Variants in TMPRSS9 observed in about 807,000 individuals in gnomAD.
The protein encoded by TMPRSS9 is transmembrane serine protease 9, also known as transmembrane protease serine 9.
In TMPRSS9, 113 loss-of-function variants were observed where a neutral mutation model predicts 111.4. That is an observed-to-expected ratio of 1.01 (90% confidence interval 0.87 to 1.19). TMPRSS9 has a LOEUF of 1.19. Ranked by LOEUF, TMPRSS9 falls within the 50% of genes most tolerant of loss-of-function variation. The pLI, the probability that TMPRSS9 is intolerant of heterozygous loss-of-function variation, is 0.00. For missense variants in TMPRSS9, 1,803 were observed against 1,513.1 expected, an observed-to-expected ratio of 1.19 and a Z score of -3.18; for synonymous variants, 805 against 659.1, an observed-to-expected ratio of 1.22 and a Z score of -3.39.
At chr19:2,423,970 C>T (rs1476544685) in intron 14 of TMPRSS9, 119 bp from the exon 16 acceptor site, 3 of 1,085,650 alleles carry the variant, frequency 2.8e-6, no homozygotes, top group Non-Finnish European at 1.2e-6. Context: ...GGATAGGTCC[C>T]CCATCACAAC....
rs1971480105 is a variant in TMPRSS9, at chr19:2,422,128, C to A, written c.2429C>A (p.Ala810Asp). The A allele has an allele frequency of 1.9e-6, 3 of 1,597,224 alleles. No homozygotes were observed. In the East Asian group the frequency reaches 6.7e-5, roughly 36 times the overall value. The change falls in exon 14 of 18, where the codon GCT becomes GAT. Residue 810 changes from alanine (A) to aspartate (D), a missense_variant. Transcript: ENST00000648592. ...ACACCCAGCAGACCCACCCCTGGGG[C>A]TGCCAGCAGGGTGACGGGCCAACCT...
At chr19:2,372,199 G>C (rs1202992349) in intron 1 of TMPRSS9, among the ~76,000 whole-genome samples, 1 of 152,120 alleles carries the variant, frequency 6.6e-6, no homozygotes, top group Middle Eastern at 3.4e-3. Context: ...GTTCAGATCT[G>C]AGATCCCACG....
upstream of TMPRSS9, among the ~76,000 whole-genome samples, chr19:2,386,422 G>A (rs895421375): frequency 6.6e-6 from 1 of 150,930 alleles, no homozygotes; most frequent in African/African-American, 2.4e-5. Context: ...GGAGAATGGC[G>A]TGAACCTGGG....
intron 1 of TMPRSS9, among the ~76,000 whole-genome samples, chr19:2,378,824 G>A (rs1293038547): frequency 3.3e-5 from 5 of 152,168 alleles, no homozygotes; most frequent in East Asian, 1.9e-4. Flanking sequence ...CAATCATGGC[G>A]GAAGGAGGAG....
intron 1 of TMPRSS9, among the ~76,000 whole-genome samples, chr19:2,374,408 A>G (rs1355229774): frequency 6.6e-6 from 1 of 151,450 alleles, no homozygotes. Context: ...CCCCGTCTCT[A>G]CTAAAAAATA....
intron 8 of TMPRSS9, among the ~76,000 whole-genome samples, chr19:2,409,309 AT>A (rs1161648929): frequency 1.3e-5 from 2 of 151,152 alleles, no homozygotes; most frequent in Non-Finnish European, 2.9e-5. Context: ...CGGCAACTTT[AT>A]TTTTGTATTT....
At chr19:2,389,242 T>G (rs989261231), upstream of TMPRSS9, among the ~76,000 whole-genome samples, 4 of 148,666 alleles carry the variant, frequency 2.7e-5, no homozygotes, top group Middle Eastern at 3.5e-3. Context: ...CCTGACTAAT[T>G]TTTTGTATTT....
chr19:2,418,364 T>TCCCTTCCCTTCCCTCCCTCCCC (rs1971328497), intron 13 of TMPRSS9, among the ~76,000 whole-genome samples: 1 of 48,312 alleles, frequency 2.1e-5, no homozygotes, highest in Non-Finnish European at 3.6e-5. Context: ...CCTCCCTCCC[T>TCCCTTCCCTTCCCTCCCTCCCC]TCCCTTCCCT....
chr19:2,405,054 C>G (rs1490463058), intron 6 of TMPRSS9, among the ~76,000 whole-genome samples: 1 of 151,706 alleles, frequency 6.6e-6, no homozygotes, highest in African/African-American at 2.4e-5. Flanking sequence ...ACTAAATAAG[C>G]AGACAGACAC....
chr19:2,424,910 C>G, intron 15 of TMPRSS9, 92 bp from the exon 17 acceptor site: 1 of 1,350,712 alleles, frequency 7.4e-7, no homozygotes, highest in East Asian at 3.2e-5. Flanking sequence ...TAACCCTGCC[C>G]AGGGTGCCAG....
intron 13 of TMPRSS9, among the ~76,000 whole-genome samples, chr19:2,420,803 T>C (rs1971446731): frequency 6.6e-6 from 1 of 152,234 alleles, no homozygotes; most frequent in Non-Finnish European, 1.5e-5. Context: ...TATTTGTTCT[T>C]TATATCTGAC....
At chr19:2,392,627 G>C (rs1458649469) in intron 1 of TMPRSS9, among the ~76,000 whole-genome samples, 1 of 152,194 alleles carries the variant, frequency 6.6e-6, no homozygotes, top group African/African-American at 2.4e-5. Context: ...GTTATGTCTA[G>C]CTGGAGGATT....
At position 2,380,978 on chromosome 19, in the gene TMPRSS9, CCT is replaced by C. The variant is rs565880800; in HGVS notation, c.-25-8782_-25-8781del. On this transcript the variant is annotated intron_variant, in intron 1 of 17. Transcript: ENST00000649857. ...TCATCACTCTCTCAGAAAACCCTCC[CCT>C]GACGGCGTGTCTAAATCAAAGACCC... 5.0e-3 allele frequency among the ~76,000 whole-genome samples: 754 copies of C among 152,206 alleles called. 1 individual carries two copies. The highest frequency in any genetic ancestry group is 0.01 in the Middle Eastern group (3 of 294).
chr19:2,407,046 C>T (rs539271694), intron 7 of TMPRSS9, among the ~76,000 whole-genome samples: 90 of 151,806 alleles, frequency 5.9e-4, no homozygotes, highest in African/African-American at 2.1e-3. Flanking sequence ...GTGATCTGCC[C>T]GTCTCTGCCT....
At chr19:2,390,257 T>A (rs1599881) in intron 1 of TMPRSS9, among the ~76,000 whole-genome samples, 1 of 116,132 alleles carries the variant, frequency 8.6e-6, no homozygotes, top group East Asian at 2.4e-4. Context: ...TTTTTTTTTT[T>A]TGAGACGGAG....
At chr19:2,416,462 G>C (rs572610637) in intron 11 of TMPRSS9, 76 bp from the exon 13 acceptor site, 6 of 1,526,478 alleles carry the variant, frequency 3.9e-6, no homozygotes, top group South Asian at 1.2e-5. Context: ...CTGGGGGTGT[G>C]CATCAGCCCT....
At chr19:2,384,867 A>G (rs1970443160), upstream of TMPRSS9, among the ~76,000 whole-genome samples, 1 of 149,490 alleles carries the variant, frequency 6.7e-6, no homozygotes, top group Admixed American at 6.7e-5. Context: ...CTGTAATCCC[A>G]GCTACTCGGG....
chr19:2,415,920 G>A, intron 11 of TMPRSS9, 79 bp downstream of exon 12: 1 of 1,475,904 alleles, frequency 6.8e-7, no homozygotes, highest in South Asian at 1.4e-5. Context: ...CATCCTGCTG[G>A]GGCTGCTGCA....
At chr19:2,395,874 C>G (rs1214593571) in intron 1 of TMPRSS9, among the ~76,000 whole-genome samples, 3 of 150,694 alleles carry the variant, frequency 2.0e-5, no homozygotes, top group Admixed American at 6.6e-5. Context: ...CACGCGTGGT[C>G]GTGGGTGCCT....
Sources: gnomAD v4.1 joint callset for allele counts (sites outside exome capture counted in the v4.1 genomes callset) on GRCh38, gnomAD v4.1.1 for gene constraint, MANE v1.5 for transcripts, NCBI Gene and HGNC (gene_info 2026-07-23, HGNC 2026-07-21) for gene names.